The following ATF6 variants were observed in gnomAD, a reference collection of about 807,000 sequenced individuals.
The protein encoded by ATF6 is cyclic AMP-dependent transcription factor ATF-6 alpha.
Under a neutral mutation model 83.6 loss-of-function variants are expected in ATF6, and 53 were observed. The observed-to-expected ratio is 0.63, with a 90% CI of 0.51 to 0.80. The LOEUF (loss-of-function observed/expected upper bound fraction) is 0.80. ATF6 is among the 30% of genes least tolerant of loss of function. The pLI is 0.00. For synonymous variants in ATF6, 288 were observed against 285.8 expected, an observed-to-expected ratio of 1.01 and a Z score of -0.08; for missense variants, 744 against 797.9, an observed-to-expected ratio of 0.93 and a Z score of 0.81.
At chr1:161,831,340 G>A (rs1283589082) in intron 9 of ATF6, among the ~76,000 whole-genome samples, 2 of 152,214 alleles carry the variant, frequency 1.3e-5, no homozygotes, top group African/African-American at 4.8e-5. Flanking sequence ...CTTTTACACT[G>A]TTGGTGGGAC....
At chr1:161,898,537 TTTTTTG>T (rs1687721132) in intron 14 of ATF6, among the ~76,000 whole-genome samples, 2 of 151,874 alleles carry the variant, frequency 1.3e-5, no homozygotes, top group African/African-American at 4.8e-5. Flanking sequence ...TGTGTGTGTT[TTTTTTG>T]TTTTTGTTTT....
intron 15 of ATF6, among the ~76,000 whole-genome samples, chr1:161,925,469 C>T (rs951187952): frequency 6.8e-6 from 1 of 146,270 alleles, no homozygotes; most frequent in African/African-American, 2.5e-5. Flanking sequence ...AAGTTCCTTA[C>T]TCAATAAACA....
intron 10 of ATF6, among the ~76,000 whole-genome samples, chr1:161,847,490 A>G (rs1571185557): frequency 6.6e-6 from 1 of 152,046 alleles, no homozygotes; most frequent in Non-Finnish European, 1.5e-5. Flanking sequence ...TCAGTGGAGG[A>G]CCCAAAGGAT....
chr1:161,833,697 G>A (rs953561944), intron 9 of ATF6, among the ~76,000 whole-genome samples: 13 of 152,126 alleles, frequency 8.5e-5, no homozygotes, highest in African/African-American at 2.9e-4. Flanking sequence ...ATGAAGAGAA[G>A]TTTAGAGAAA....
At chr1:161,938,600 A>G (rs1318916329) in intron 15 of ATF6, among the ~76,000 whole-genome samples, 1 of 152,204 alleles carries the variant, frequency 6.6e-6, no homozygotes, top group African/African-American at 2.4e-5. Flanking sequence ...CACTGTAACA[A>G]TTATTTTTTT....
intron 13 of ATF6, among the ~76,000 whole-genome samples, chr1:161,861,692 C>T (rs1459418889): frequency 6.6e-6 from 1 of 152,138 alleles, no homozygotes; most frequent in East Asian, 1.9e-4. Context: ...ATTAGCAGTG[C>T]TTTTGTCATC....
intron 15 of ATF6, among the ~76,000 whole-genome samples, chr1:161,918,553 C>A (rs1460662039): frequency 6.6e-6 from 1 of 152,120 alleles, no homozygotes; most frequent in Non-Finnish European, 1.5e-5. Context: ...AATGTATAAT[C>A]TGAAGAGTTT....
At chr1:161,954,741 G>T (rs190155091) in intron 15 of ATF6, among the ~76,000 whole-genome samples, 1 of 152,242 alleles carries the variant, frequency 6.6e-6, no homozygotes, top group Non-Finnish European at 1.5e-5. Context: ...CAGAATCATA[G>T]TTTAGTGCTC....
At chr1:161,834,328 T>G (rs539494883) in intron 9 of ATF6, among the ~76,000 whole-genome samples, 9 of 152,088 alleles carry the variant, frequency 5.9e-5, no homozygotes, top group Admixed American at 1.3e-4. Flanking sequence ...CATGCACACG[T>G]ATGTTTATTG....
chr1:161,802,395 G>C (rs1685176836), intron 7 of ATF6, 123 bp downstream of exon 7: 7 of 822,426 alleles, frequency 8.5e-6, no homozygotes, highest in Non-Finnish European at 1.1e-5. Context: ...TCAAATAAAA[G>C]AGTGTGCTGA....
chr1:161,822,116 G>C (rs1447491089), intron 9 of ATF6, among the ~76,000 whole-genome samples: 2 of 152,274 alleles, frequency 1.3e-5, no homozygotes, highest in Middle Eastern at 3.4e-3. Context: ...TTTAAGTATA[G>C]GAAGTTTGTG....
intron 15 of ATF6, among the ~76,000 whole-genome samples, chr1:161,921,402 G>A (rs1688209694): frequency 6.6e-6 from 1 of 152,108 alleles, no homozygotes; most frequent in Admixed American, 6.5e-5. Flanking sequence ...AAAAAATGAA[G>A]AGCGAAGATG....
chr1:161,892,511 CTG>C (rs1247620495), intron 14 of ATF6, among the ~76,000 whole-genome samples: 2 of 152,046 alleles, frequency 1.3e-5, no homozygotes, highest in Admixed American at 6.6e-5. Flanking sequence ...ATCCATCAAG[CTG>C]TGTATCCTGT....
chr1:161,940,564 T>C (rs1462676263), intron 15 of ATF6, among the ~76,000 whole-genome samples: 1 of 147,058 alleles, frequency 6.8e-6, no homozygotes, highest in Admixed American at 6.7e-5. Flanking sequence ...CAGATCTTTT[T>C]TTTTTTTTTT....
intron 7 of ATF6, among the ~76,000 whole-genome samples, chr1:161,809,585 T>C (rs1315653542): frequency 6.6e-6 from 1 of 152,222 alleles, no homozygotes; most frequent in African/African-American, 2.4e-5. Context: ...GGTCAAATGG[T>C]ATTTCTAGTT....
intron 9 of ATF6, chr1:161,840,341 C>A: frequency 6.6e-6 from 1 of 152,132 alleles, no homozygotes; most frequent in East Asian, 1.9e-4. Context: ...TGAAGATCTC[C>A]CTGCTCTTTT....
intron 9 of ATF6, among the ~76,000 whole-genome samples, chr1:161,840,765 G>A (rs1256900808): frequency 6.6e-6 from 1 of 152,110 alleles, no homozygotes; most frequent in African/African-American, 2.4e-5. Context: ...AGGACCAATG[G>A]CCCATAATGT....
intron 9 of ATF6, among the ~76,000 whole-genome samples, chr1:161,836,264 T>G (rs1344950603): frequency 1.3e-5 from 2 of 152,094 alleles, no homozygotes; most frequent in Admixed American, 6.5e-5. Context: ...GTTCCAATTT[T>G]TTGTTGTTGT....
chr1:161,785,949 A>C (rs1571127785), intron 4 of ATF6, among the ~76,000 whole-genome samples: 1 of 151,498 alleles, frequency 6.6e-6, no homozygotes, highest in Non-Finnish European at 1.5e-5. Flanking sequence ...TTTTTAAAAA[A>C]TGAACTGTCA....
Sources: allele counts gnomAD v4.1 joint callset (sites outside exome capture counted in the v4.1 genomes callset), GRCh38; gene constraint gnomAD v4.1.1; transcripts MANE v1.5; gene names NCBI Gene and HGNC (gene_info 2026-07-23, HGNC 2026-07-21).